The following RASGRF1 variants were observed in gnomAD, a reference collection of about 807,000 sequenced individuals.
The protein encoded by RASGRF1 is ras-specific guanine nucleotide-releasing factor 1.
In RASGRF1, 40 loss-of-function variants were observed where a neutral mutation model predicts 138.7. The ratio of observed to expected loss-of-function variants is 0.29; its 90% CI spans 0.22 to 0.38. The LOEUF (loss-of-function observed/expected upper bound fraction) is 0.38, where lower values mean the gene tolerates loss of function less well. Ranked by LOEUF, RASGRF1 falls within the 10% of genes least tolerant of loss-of-function variation. RASGRF1 has a pLI of 1.00. For missense variants in RASGRF1, 1,108 were observed against 1,650.4 expected (o/e 0.67, Z 5.69); for synonymous variants, 614 against 663.2 (o/e 0.93, Z 1.14).
chr15:79,072,620 C>A (rs559405526), intron 1 of RASGRF1, among the ~76,000 whole-genome samples: 14 of 152,222 alleles, frequency 9.2e-5, no homozygotes, highest in African/African-American at 3.4e-4. Flanking sequence ...AAACAATGAC[C>A]CTGCATAGCA....
At chr15:79,081,416 G>A (rs888076119) in intron 1 of RASGRF1, among the ~76,000 whole-genome samples, 2 of 152,184 alleles carry the variant, frequency 1.3e-5, no homozygotes, top group African/African-American at 4.8e-5. Flanking sequence ...GTTTTCTCCT[G>A]TTCATTCACA....
chr15:79,024,886 C>T (rs912886541), intron 10 of RASGRF1, among the ~76,000 whole-genome samples: 1 of 151,946 alleles, frequency 6.6e-6, no homozygotes, highest in Non-Finnish European at 1.5e-5. Context: ...CATATATATA[C>T]ACACCACGCA....
At chr15:78,992,409 G>A (rs1334105934) in intron 20 of RASGRF1, among the ~76,000 whole-genome samples, 1 of 152,226 alleles carries the variant, frequency 6.6e-6, no homozygotes, top group Non-Finnish European at 1.5e-5. Context: ...TTCGACCAGA[G>A]AAAATCTTCA....
chr15:79,025,566 C>T (rs936643906), intron 9 of RASGRF1, 92 bp from the exon 10 acceptor site: 58 of 1,439,488 alleles, frequency 4.0e-5, no homozygotes, highest in South Asian at 5.3e-5. Context: ...GGGGCAGCAG[C>T]AGTGGGACAA....
chr15:78,983,353 C>G (rs964630240), intron 23 of RASGRF1, among the ~76,000 whole-genome samples: 3 of 152,174 alleles, frequency 2.0e-5, no homozygotes, highest in Non-Finnish European at 4.4e-5. Context: ...AGAATGACAT[C>G]CTAGAACACA....
intron 1 of RASGRF1, among the ~76,000 whole-genome samples, chr15:79,077,561 G>C (rs190280167): frequency 2.3e-4 from 35 of 152,264 alleles, no homozygotes; most frequent in Middle Eastern, 3.4e-3. Flanking sequence ...TCCTGAGGGC[G>C]TGGTGGGGAG....
In RASGRF1 at chr15:79,006,408, T is replaced by C. The variant is rs979312303; in HGVS notation, c.1853A>G (p.Asp618Gly). Residue 618 changes from aspartate to glycine, a missense_variant, in exon 14 of 27, where the codon GAT becomes GGT. Coordinates refer to ENST00000558480, the MANE Select transcript of RASGRF1 (RefSeq NM_001145648.3). This position sits in a 1 kb window ranked among gnomAD's most constrained non-coding sequence, Gnocchi z 4.0. ...GGTTTTGCTGAAGCGAATGTCAACA[T>C]CATCACAATATAAGGAGGCGTCGGA... The part of the protein sequence containing the change: ...IKSDASLYCD[D>G]VDIRFSKTMN... 3.1e-6 allele frequency: 5 copies of C among 1,613,642 alleles called. No homozygotes were observed. The highest frequency in any genetic ancestry group is 4.2e-6 in the Non-Finnish European group (5 of 1,179,948).
intron 25 of RASGRF1, among the ~76,000 whole-genome samples, chr15:78,972,733 G>A (rs142009893): frequency 8.0e-4 from 122 of 152,028 alleles, no homozygotes; most frequent in African/African-American, 2.8e-3. Flanking sequence ...GGCGAAGTGA[G>A]AGGGGAGAAG....
At chr15:79,019,911 G>T in intron 11 of RASGRF1, 130 bp downstream of exon 11, 2 of 1,072,788 alleles carry the variant, frequency 1.9e-6, no homozygotes, top group East Asian at 2.4e-5. Flanking sequence ...GGGCATGTGT[G>T]GACCTCCCCT....
At chr15:78,978,975 C>T in intron 24 of RASGRF1, 1 of 1,290,214 alleles carries the variant, frequency 7.8e-7, no homozygotes, top group Non-Finnish European at 1.0e-6. Context: ...AGGGTGGGGA[C>T]TCAGACAGAA....
intron 12 of RASGRF1, among the ~76,000 whole-genome samples, chr15:79,017,352 A>G (rs2056893349): frequency 6.6e-6 from 1 of 152,198 alleles, no homozygotes; most frequent in East Asian, 1.9e-4. Context: ...CGCTGTGAAC[A>G]TTATTACATC....
intron 21 of RASGRF1, among the ~76,000 whole-genome samples, chr15:78,990,748 A>C (rs1850533519): frequency 6.6e-6 from 1 of 152,240 alleles, no homozygotes; most frequent in Admixed American, 6.5e-5. Context: ...GACATCATAA[A>C]GTGACAGGGA....
chr15:79,080,754 C>T (rs2057903901), intron 1 of RASGRF1, among the ~76,000 whole-genome samples: 1 of 152,076 alleles, frequency 6.6e-6, no homozygotes, highest in Non-Finnish European at 1.5e-5. Flanking sequence ...ATTGCATTAG[C>T]CCTGATGGAT....
intron 1 of RASGRF1, among the ~76,000 whole-genome samples, chr15:79,067,807 G>T (rs1211817859): frequency 6.6e-6 from 1 of 152,126 alleles, no homozygotes; most frequent in Non-Finnish European, 1.5e-5. Flanking sequence ...AGATAGATGG[G>T]TGGGGGGCAG....
intron 24 of RASGRF1, among the ~76,000 whole-genome samples, chr15:78,974,292 T>C (rs1433164441): frequency 6.6e-6 from 1 of 152,154 alleles, no homozygotes; most frequent in Non-Finnish European, 1.5e-5. Flanking sequence ...TCCTCTCAGC[T>C]CAGCACACAG....
intron 13 of RASGRF1, among the ~76,000 whole-genome samples, chr15:79,011,342 A>G (rs7161873): frequency 0.039 from 5,871 of 152,266 alleles, 325 homozygotes; most frequent in African/African-American, 0.12. Context: ...GAAGCTAAGT[A>G]CAGAAGATTT....
At chr15:79,017,636 G>A in intron 12 of RASGRF1, 134 bp downstream of exon 12, 1 of 1,181,844 alleles carries the variant, frequency 8.5e-7, no homozygotes, top group Non-Finnish European at 1.1e-6. Flanking sequence ...GGACTTGGAA[G>A]ATTCTTGCAT....
chr15:79,017,718 T>G, intron 12 of RASGRF1, 52 bp downstream of exon 12: 2 of 1,471,492 alleles, frequency 1.4e-6, no homozygotes, highest in Non-Finnish European at 1.8e-6. Flanking sequence ...ATCCCTGACC[T>G]GGTTAGGCAT....
Position 79,006,339 on chromosome 15 carries a change from T to C in RASGRF1, c.1922A>G (p.Glu641Gly). ...KVLQIRYASV[E>G]RLLERLTDLR... ...GTCCGTCAGCCTCTCCAGCAGCCGC[T>C]CCACACTGGCGTAGCGGATCTGCAG... Residue 641 changes from glutamate to glycine, a missense_variant, in exon 14 of 27, where the codon GAG (glutamate) becomes GGG (glycine). Around this residue, in one of 3 missense-constraint regions of RASGRF1, gnomAD observed 686 missense variants for 976.7 expected, o/e 0.70. Transcript: ENST00000558480. The surrounding 1 kb of genome is among the most constrained non-coding windows in gnomAD (Gnocchi z 4.0). The C allele has an allele frequency of 6.2e-7, 1 of 1,614,192 alleles. No individual in the cohort carries two copies. The highest frequency in any genetic ancestry group is 2.2e-5 in the East Asian group (1 of 44,878).
Sources: allele counts gnomAD v4.1 joint callset (sites outside exome capture counted in the v4.1 genomes callset), GRCh38; gene constraint gnomAD v4.1.1; regional missense constraint gnomAD v4.1.1; non-coding constraint Gnocchi (gnomAD v3.1); transcripts MANE v1.5; gene names NCBI Gene and HGNC (gene_info 2026-07-23, HGNC 2026-07-21).